The following PRRX1 variants were observed in gnomAD, a reference collection of about 807,000 sequenced individuals.
The protein encoded by PRRX1 is paired related homeobox 1, also known as paired mesoderm homeobox protein 1.
PRRX1 carries 8 observed loss-of-function variants against 24.0 expected under a neutral mutation model. The ratio of observed to expected loss-of-function variants is 0.33; its 90% CI spans 0.20 to 0.60. PRRX1 has a LOEUF of 0.60. Among genes scored for constraint, PRRX1 ranks in the 20% least tolerant of loss-of-function variants. PRRX1 has a pLI of 0.82. For synonymous variants in PRRX1, 160 were observed against 131.7 expected (o/e 1.22, Z -1.47); for missense variants, 281 against 322.4 (o/e 0.87, Z 0.98).
chr1:170,689,802 AT>A (rs1012650175), intron 1 of PRRX1, among the ~76,000 whole-genome samples: 12 of 145,142 alleles, frequency 8.3e-5, no homozygotes, highest in African/African-American at 1.3e-4. Flanking sequence ...AACTGATGAG[AT>A]TTAATATTCC....
chr1:170,664,336 C>A lies in PRRX1; in HGVS notation c.118C>A (p.Leu40Ile). The stretch of plus-strand genomic sequence containing the variant: ...AAAGAACTTCTCCGTCAGTCACCTG[C>A]TAGACCTGGAGGAAGCCGGGGACAT... ...AKKNFSVSHL[L>I]DLEEAGDMVA... Residue 40 changes from leucine (L) to isoleucine (I), a missense_variant, in exon 1 of 4, where the codon CTA (leucine) becomes ATA (isoleucine). Transcript: ENST00000239461. 1 of 1,613,978 alleles carries A rather than the reference C, an allele frequency of 6.2e-7. No homozygotes were observed. The highest frequency in any genetic ancestry group is 8.5e-7 in the Non-Finnish European group (1 of 1,179,948).
chr1:170,706,579 G>T (rs1004640226), intron 1 of PRRX1, among the ~76,000 whole-genome samples: 2 of 152,116 alleles, frequency 1.3e-5, no homozygotes, highest in African/African-American at 4.8e-5. Flanking sequence ...ATTATATAAA[G>T]TTGACTTCTC....
chr1:170,715,771 G>A (rs1460946980), intron 1 of PRRX1, among the ~76,000 whole-genome samples: 6 of 152,168 alleles, frequency 3.9e-5, no homozygotes, highest in African/African-American at 7.2e-5. Flanking sequence ...ATTTTTTAAT[G>A]GCTATTCTGG....
intron 1 of PRRX1, among the ~76,000 whole-genome samples, chr1:170,694,807 G>A (rs1192305954): frequency 4.6e-5 from 7 of 152,120 alleles, no homozygotes; most frequent in Non-Finnish European, 2.9e-5. Context: ...AGTAACAGCT[G>A]TGCTTGAAGT....
At chr1:170,708,121 C>T (rs1654624508) in intron 1 of PRRX1, among the ~76,000 whole-genome samples, 2 of 152,112 alleles carry the variant, frequency 1.3e-5, no homozygotes, top group South Asian at 2.1e-4. Context: ...ATTCTTCTTG[C>T]CAGATTTCAG....
chr1:170,674,342 TC>T, intron 1 of PRRX1, among the ~76,000 whole-genome samples: 1 of 152,374 alleles, frequency 6.6e-6, no homozygotes, highest in African/African-American at 2.4e-5. Flanking sequence ...TTTCATGTGC[TC>T]TGGTCTCATT....
chr1:170,690,477 C>A (rs960785165), intron 1 of PRRX1, among the ~76,000 whole-genome samples: 2 of 151,980 alleles, frequency 1.3e-5, no homozygotes, highest in African/African-American at 4.8e-5. Flanking sequence ...TCCTTTGAAC[C>A]CTTCAGGTGT....
At position 170,664,262 on chromosome 1, in the gene PRRX1, T is replaced by C; in HGVS notation, c.44T>C (p.Leu15Pro). ...YGHVLERQPALGGRLDSPGNL... is the reference protein window; with the variant it reads ...YGHVLERQPAPGGRLDSPGNL... Reference sequence around the variant, plus strand: ...CACGTTCTGGAGCGGCAACCGGCGCTGGGCGGCCGCTTGGACAGCCCGGGC... The same window carrying C: ...CACGTTCTGGAGCGGCAACCGGCGCCGGGCGGCCGCTTGGACAGCCCGGGC... The change falls in exon 1 of 4, where the codon CTG becomes CCG. Residue 15 changes from leucine (L) to proline (P), a missense_variant. Transcript: ENST00000239461. 6.2e-7 allele frequency: 1 copy of C among 1,612,662 alleles called. No homozygotes were observed. Among genetic ancestry groups the C allele is most frequent in the Non-Finnish European group, 8.5e-7 (1 of 1,179,606 alleles).
rs539423449 is a variant in PRRX1 at position 170,728,986 on chromosome 1, T to G, written c.599+2585T>G. Reference sequence around the variant, plus strand: ...AAGTTAGTTATCTCACATGTGACACTCATTAAAAGGCATTTCTCTTGGTTA... The same window carrying G: ...AAGTTAGTTATCTCACATGTGACACGCATTAAAAGGCATTTCTCTTGGTTA... On this transcript the variant is annotated intron_variant, in intron 3 of 3. Transcript: ENST00000239461. 3.3e-5 allele frequency: 5 copies of G among 152,340 alleles called. No individual in the cohort carries two copies. In the South Asian group the frequency reaches 1.0e-3, roughly 32 times the overall value. 9.4% of individuals were successfully genotyped at this position (152,340 alleles called of 1,614,324 possible).
chr1:170,686,604 C>T (rs914836498), intron 1 of PRRX1, among the ~76,000 whole-genome samples: 1 of 152,106 alleles, frequency 6.6e-6, no homozygotes, highest in Admixed American at 6.6e-5. Context: ...GATGACATTT[C>T]GCATTGGTAG....
intron 1 of PRRX1, among the ~76,000 whole-genome samples, chr1:170,680,247 G>A (rs982361864): frequency 2.0e-5 from 3 of 151,994 alleles, no homozygotes; most frequent in Non-Finnish European, 4.4e-5. Context: ...CATCTGCCCT[G>A]AATGATAGAC....
At chr1:170,671,486 G>GA (rs1306766286) in intron 1 of PRRX1, among the ~76,000 whole-genome samples, 1 of 152,218 alleles carries the variant, frequency 6.6e-6, no homozygotes, top group African/African-American at 2.4e-5. Flanking sequence ...AATTAGCGGC[G>GA]AGCCTCGCCA....
intron 1 of PRRX1, among the ~76,000 whole-genome samples, chr1:170,709,559 G>T (rs1284380375): frequency 2.0e-5 from 3 of 152,052 alleles, no homozygotes; most frequent in African/African-American, 7.2e-5. Context: ...GGCTCTGATG[G>T]TCACCAAGTG....
At chr1:170,734,474 A>C (rs1655542923) in intron 3 of PRRX1, among the ~76,000 whole-genome samples, 2 of 152,158 alleles carry the variant, frequency 1.3e-5, no homozygotes, top group Admixed American at 1.3e-4. Flanking sequence ...TTATTAACTA[A>C]ACTTGAATCA....
chr1:170,721,064 G>A (rs1161492576), intron 2 of PRRX1, among the ~76,000 whole-genome samples: 2 of 152,170 alleles, frequency 1.3e-5, no homozygotes, highest in Non-Finnish European at 2.9e-5. Context: ...GCTAGGAAGT[G>A]TCTGAAATAG....
At position 170,668,322 on chromosome 1, in the gene PRRX1, G is replaced by GA. The variant is rs1013923410; in HGVS notation, c.241+3871dup. On this transcript the variant is annotated intron_variant, in intron 1 of 3. Coordinates refer to ENST00000239461, the MANE Select transcript of PRRX1 (RefSeq NM_022716.4). ...TAATCTGAACTTCTGCAAACTCTTT[G>GA]AAAAAAAATGCGCCTGCCTTCCACG... The GA allele has an allele frequency of 8.6e-5, 13 of 152,016 alleles. No homozygotes were observed. The East Asian group carries it at 9.7e-4, about 11-fold the overall frequency. 9.4% of individuals were successfully genotyped at this position (152,016 alleles called of 1,614,324 possible). A position where few individuals can be genotyped will look rare whatever the true frequency, so the allele number is the denominator to read the frequency against.
At chr1:170,722,726 C>A (rs1286821913) in intron 2 of PRRX1, 1 of 152,188 alleles carries the variant, frequency 6.6e-6, no homozygotes, top group African/African-American at 2.4e-5. Flanking sequence ...AGAAATTAAA[C>A]AACTCACAGG....
intron 2 of PRRX1, among the ~76,000 whole-genome samples, chr1:170,720,708 A>C (rs1378991885): frequency 1.3e-5 from 2 of 152,252 alleles, no homozygotes; most frequent in African/African-American, 2.4e-5. Context: ...AACTGAGTTA[A>C]GAGCACACTT....
intron 2 of PRRX1, among the ~76,000 whole-genome samples, chr1:170,723,490 G>C (rs1361223052): frequency 1.3e-5 from 2 of 150,506 alleles, no homozygotes; most frequent in Non-Finnish European, 2.9e-5. Context: ...TTTAGTACTG[G>C]GCCTGGACCA....
Sources: allele counts gnomAD v4.1 joint callset (sites outside exome capture counted in the v4.1 genomes callset), GRCh38; gene constraint gnomAD v4.1.1; transcripts MANE v1.5; gene names NCBI Gene and HGNC (gene_info 2026-07-23, HGNC 2026-07-21).